Variants in URB2 observed in about 807,000 individuals in gnomAD.
The protein encoded by URB2 is unhealthy ribosome biogenesis protein 2 homolog.
In URB2, 86 loss-of-function variants were observed where a neutral mutation model predicts 120.9. The ratio of observed to expected loss-of-function variants is 0.71; its 90% confidence interval spans 0.60 to 0.85. The LOEUF (loss-of-function observed/expected upper bound fraction) is 0.85, where lower values mean the gene tolerates loss of function less well. Ranked by LOEUF, URB2 falls within the 40% of genes least tolerant of loss-of-function variation. The probability of loss-of-function intolerance (pLI) is 0.00; values close to 1 mark genes in which losing one functional copy is unlikely to be tolerated. For synonymous variants in URB2, 755 were observed against 758.4 expected (o/e 1.00, Z 0.07); for missense variants, 1,765 against 1,836.5 (o/e 0.96, Z 0.71).
chr1:229,642,850 C>G (rs1423612617), intron 4 of URB2, among the ~76,000 whole-genome samples: 1 of 152,178 alleles, frequency 6.6e-6, no homozygotes, highest in Non-Finnish European at 1.5e-5. Context: ...GTATATCCTT[C>G]TGATACAATT....
At chr1:229,634,886 T>C in intron 3 of URB2, 31 bp from the exon 4 acceptor site, 2 of 1,504,548 alleles carry the variant, frequency 1.3e-6, no homozygotes, top group Non-Finnish European at 1.8e-6. Flanking sequence ...TTAAGGTCAG[T>C]AATGAATTTT....
Position 229,654,310 on chromosome 1 carries a change from C to T in URB2, c.4299C>T (p.Ser1433=). ...CACGCCTGGTTGAAAGAATGTACAGCCACATCGCCGCACGAGCTGAGGAGT... is the reference window on the plus strand; with the variant it reads ...CACGCCTGGTTGAAAGAATGTACAGTCACATCGCCGCACGAGCTGAGGAGT... ...KCARLVERMY[S]HIAARAEEFA... The change falls in exon 9 of 10, where the codon AGC becomes AGT. Residue 1433 remains serine, a synonymous_variant. Transcript: ENST00000258243. The T allele has an allele frequency of 1.2e-6, 2 of 1,614,168 alleles. No individual in the cohort carries two copies. The highest frequency in any genetic ancestry group is 1.7e-6 in the Non-Finnish European group (2 of 1,180,030).
At chr1:229,655,866 G>A (rs777178180) in intron 9 of URB2, among the ~76,000 whole-genome samples, 4 of 152,226 alleles carry the variant, frequency 2.6e-5, no homozygotes, top group Non-Finnish European at 5.9e-5. Context: ...GGTTGAATGG[G>A]CTTCCTTAGA....
rs115754345 is a variant in URB2, at chr1:229,633,725, G to A, written c.304-1192G>A. On this transcript the variant is annotated intron_variant, in intron 3 of 9. Coordinates refer to ENST00000258243, the MANE Select transcript of URB2 (RefSeq NM_014777.4). ...TAACTTAACCTGTGACTGAATTATA[G>A]AATCTGCCTGATTCTCATAATTTCT... Among the ~76,000 whole-genome samples the A allele has an allele frequency of 3.7e-3, 571 of 152,296 alleles. 4 individuals are homozygous for A. The highest frequency in any genetic ancestry group is 0.013 in the African/African-American group (552 of 41,568).
chr1:229,646,698 A>C (rs1666152455), intron 6 of URB2, among the ~76,000 whole-genome samples: 1 of 152,154 alleles, frequency 6.6e-6, no homozygotes, highest in Admixed American at 6.5e-5. Context: ...ATTTGTGTCC[A>C]GTTGTTGCTA....
intron 1 of URB2, among the ~76,000 whole-genome samples, chr1:229,627,254 C>G (rs1665517028): frequency 6.6e-6 from 1 of 152,190 alleles, no homozygotes; most frequent in South Asian, 2.1e-4. Context: ...TTTCCTCTTT[C>G]AATTTGAAAC....
intron 9 of URB2, among the ~76,000 whole-genome samples, chr1:229,657,657 T>G (rs1365691020): frequency 6.6e-6 from 1 of 152,214 alleles, no homozygotes; most frequent in Non-Finnish European, 1.5e-5. Context: ...CCCAATTACC[T>G]TGCTGTAAAA....
At chr1:229,633,625 C>A (rs966206756) in intron 3 of URB2, among the ~76,000 whole-genome samples, 2 of 152,060 alleles carry the variant, frequency 1.3e-5, no homozygotes, top group East Asian at 3.8e-4. Flanking sequence ...ATTATAATAC[C>A]TATCTCATTA....
At chr1:229,631,020 GCAT>G (rs1235604035) in intron 2 of URB2, among the ~76,000 whole-genome samples, 1 of 151,154 alleles carries the variant, frequency 6.6e-6, no homozygotes, top group Non-Finnish European at 1.5e-5. Flanking sequence ...GTCCTGAATG[GCAT>G]CTTCCAATAG....
chr1:229,634,548 A>G (rs538015518), intron 3 of URB2, among the ~76,000 whole-genome samples: 2 of 152,282 alleles, frequency 1.3e-5, no homozygotes, highest in East Asian at 1.9e-4. Context: ...TTTAAGTGCA[A>G]CTTTCCCTCT....
At position 229,636,081 on chromosome 1, in the gene URB2, C is replaced by T. The variant is rs779393959; in HGVS notation, c.1468C>T (p.Leu490=). 6.2e-7 allele frequency: 1 copy of T among 1,614,130 alleles called. No individual in the cohort carries two copies. Among genetic ancestry groups the T allele is most frequent in the Non-Finnish European group, 8.5e-7 (1 of 1,180,054 alleles). ...PAAEALRQPV[L]ASGPSTVLSA... ...TGCTGAGGCACTGAGGCAGCCTGTG[C>T]TGGCCTCGGGCCCCTCCACGGTACT... is the stretch of plus-strand genomic sequence containing the variant. Residue 490 remains leucine, a synonymous_variant, in exon 4 of 10, where the codon CTG becomes TTG. Coordinates refer to ENST00000258243, the MANE Select transcript of URB2 (RefSeq NM_014777.4).
In URB2 at chr1:229,632,339, T is replaced by C. The variant is rs202134097; in HGVS notation, c.197T>C (p.Ile66Thr). ...AAAAAGCTTGAACTGAAGGAAGATA[T>C]TGTTGAAAGGCTTTGGATCTATATA... The part of the protein sequence containing the change: ...YKKKLELKED[I>T]VERLWIYIDN... The change falls in exon 3 of 10, where the codon ATT becomes ACT. Residue 66 changes from isoleucine to threonine, a missense_variant. Ile to Thr is a moderately conservative substitution (Grantham distance 89). Coordinates refer to ENST00000258243, the MANE Select transcript of URB2 (RefSeq NM_014777.4). 27 of 1,596,934 alleles carry C rather than the reference T, an allele frequency of 1.7e-5. No individual in the cohort carries two copies. The East Asian group carries it at 5.9e-4, about 35-fold the overall frequency.
At chr1:229,656,223 G>C (rs1221351907) in intron 9 of URB2, among the ~76,000 whole-genome samples, 2 of 152,202 alleles carry the variant, frequency 1.3e-5, no homozygotes, top group Non-Finnish European at 2.9e-5. Context: ...TGAAAGAAAA[G>C]CTGGCGTTAT....
At position 229,636,319 on chromosome 1, in the gene URB2, A is replaced by G. The variant is rs1304388450; in HGVS notation, c.1706A>G (p.Gln569Arg). 1.9e-6 allele frequency: 3 copies of G among 1,614,224 alleles called. No homozygotes were observed. Among genetic ancestry groups the G allele is most frequent in the Admixed American group, 3.3e-5 (2 of 60,036 alleles). ...CCTCTGCCCATTGTCAGACGGACAC[A>G]GTGCATGATGGAGAGGATGATGAGG... ...STPLPIVRRT[Q>R]CMMERMMREL... The change falls in exon 4 of 10, where the codon CAG becomes CGG. Residue 569 changes from glutamine to arginine, a missense_variant. Gln to Arg is a conservative substitution (Grantham distance 43). Transcript: ENST00000258243.
At chr1:229,633,394 T>C (rs1665718248) in intron 3 of URB2, among the ~76,000 whole-genome samples, 1 of 152,260 alleles carries the variant, frequency 6.6e-6, no homozygotes, top group Admixed American at 6.5e-5. Context: ...TTTATTTTTA[T>C]GTATGCTTCA....
At chr1:229,634,054 A>G (rs1171019014) in intron 3 of URB2, among the ~76,000 whole-genome samples, 18 of 152,030 alleles carry the variant, frequency 1.2e-4, no homozygotes, top group Admixed American at 1.2e-3. Flanking sequence ...CTGTTCTCGA[A>G]CGCCTGGCCT....
chr1:229,628,299 T>C (rs1289608037), intron 2 of URB2, among the ~76,000 whole-genome samples: 5 of 97,064 alleles, frequency 5.2e-5, no homozygotes, highest in Admixed American at 3.0e-4. Context: ...CATGTGCCTG[T>C]AGTCCTTACT....
Position 229,643,698 on chromosome 1 carries a change from G to T in URB2, c.3795+5G>T. 1 of 1,609,724 alleles carries T rather than the reference G, an allele frequency of 6.2e-7. No homozygotes were observed. The highest frequency in any genetic ancestry group is 8.5e-7 in the Non-Finnish European group (1 of 1,177,728). On this transcript the variant is annotated splice_donor_5th_base_variant and intron_variant, in intron 5 of 9. Coordinates refer to ENST00000258243, the MANE Select transcript of URB2 (RefSeq NM_014777.4). ...ATGTGGAAAGCAGATGTGCAGGTGG[G>T]TGCCTTCTCCCTCCTTGTGTGGCAG... is the stretch of plus-strand genomic sequence containing the variant.
At chr1:229,633,122 G>A (rs1203101871) in intron 3 of URB2, among the ~76,000 whole-genome samples, 1 of 152,212 alleles carries the variant, frequency 6.6e-6, no homozygotes, top group African/African-American at 2.4e-5. Flanking sequence ...GTAAATCCTG[G>A]GCTATGAAGC....
Sources: gnomAD v4.1 joint callset for allele counts (sites outside exome capture counted in the v4.1 genomes callset) on GRCh38, gnomAD v4.1.1 for gene constraint, MANE v1.5 for transcripts, NCBI Gene and HGNC (gene_info 2026-07-23, HGNC 2026-07-21) for gene names.